The following HHIP variants were observed in gnomAD, a reference collection of about 807,000 sequenced individuals.
The protein encoded by HHIP is hedgehog interacting protein, also known as hedgehog-interacting protein.
HHIP carries 12 observed loss-of-function variants against 74.0 expected under a neutral mutation model. The ratio of observed to expected loss-of-function variants is 0.16; its 90% CI spans 0.10 to 0.26. The LOEUF (loss-of-function observed/expected upper bound fraction) is 0.26, where lower values mean the gene tolerates loss of function less well. Ranked by LOEUF, HHIP falls within the 10% of genes least tolerant of loss-of-function variation. The pLI is 1.00. For synonymous variants in HHIP, 309 were observed against 311.6 expected, an observed-to-expected ratio of 0.99 and a Z score of 0.09; for missense variants, 788 against 845.0, an observed-to-expected ratio of 0.93 and a Z score of 0.84.
At chr4:144,714,955 T>C (rs892751410) in intron 9 of HHIP, 1 of 177,442 alleles carries the variant, frequency 5.6e-6, no homozygotes, top group Non-Finnish European at 1.2e-5. Flanking sequence ...ACTAGAAAAA[T>C]GTACTGACCC....
chr4:144,701,004 C>T (rs538220651), intron 4 of HHIP, among the ~76,000 whole-genome samples: 2 of 152,286 alleles, frequency 1.3e-5, no homozygotes, highest in East Asian at 3.9e-4. Context: ...CCCAAGTCCT[C>T]TTTTTCCTCT....
intron 7 of HHIP, among the ~76,000 whole-genome samples, chr4:144,711,640 T>TAC (rs1330786867): frequency 6.6e-6 from 1 of 152,220 alleles, no homozygotes; most frequent in Non-Finnish European, 1.5e-5. Flanking sequence ...CACAATACTT[T>TAC]ACCAGTGTAT....
chr4:144,654,192 C>T (rs2126580395), intron 2 of HHIP, among the ~76,000 whole-genome samples: 1 of 151,992 alleles, frequency 6.6e-6, no homozygotes, highest in South Asian at 2.1e-4. Flanking sequence ...TTTTAGCTTC[C>T]AAAAACAATA....
chr4:144,685,432 G>A lies in HHIP; in HGVS notation c.832-21099G>A, dbSNP rs147006561. 2.3e-3 allele frequency among the ~76,000 whole-genome samples: 345 copies of A among 152,248 alleles called. 4 individuals are homozygous for A. The highest frequency in any genetic ancestry group is 7.6e-3 in the African/African-American group (316 of 41,548). ...ATACTATGTGTGATATTAAATAGTT[G>A]TACATCATAAAGTAGACATTAAAAT... On this transcript the variant is annotated intron_variant, in intron 4 of 12. Transcript: ENST00000296575.
At chr4:144,688,889 T>C (rs1413088431) in intron 4 of HHIP, among the ~76,000 whole-genome samples, 3 of 152,190 alleles carry the variant, frequency 2.0e-5, no homozygotes, top group Admixed American at 6.5e-5. Flanking sequence ...AAAATGTCAT[T>C]GGAGTGCTTA....
At chr4:144,678,927 C>T (rs187209710) in intron 4 of HHIP, among the ~76,000 whole-genome samples, 4 of 152,210 alleles carry the variant, frequency 2.6e-5, no homozygotes, top group South Asian at 2.1e-4. Context: ...ATGGTATTTC[C>T]GGTTCTAGAT....
intron 11 of HHIP, among the ~76,000 whole-genome samples, chr4:144,728,224 A>C (rs561855954): frequency 3.0e-4 from 46 of 152,180 alleles, no homozygotes; most frequent in Non-Finnish European, 5.4e-4. Flanking sequence ...ACTCAGTTTC[A>C]AACTGCCTAG....
In HHIP at chr4:144,712,272, A is replaced by G. The variant is rs559402268; in HGVS notation, c.1423+201A>G. Among the ~76,000 whole-genome samples the G allele has an allele frequency of 2.6e-5, 4 of 152,252 alleles. No individual in the cohort carries two copies. In the East Asian group the frequency reaches 7.7e-4, roughly 29 times the overall value. ...AAGCCCTGAGGGTTCCATCTGGTTA[A>G]TTACCATGGATTGAAAGGTTCTCAG... On this transcript the variant is annotated intron_variant, in intron 8 of 12. Transcript: ENST00000296575.
chr4:144,721,086 A>C (rs1418951188), intron 11 of HHIP, among the ~76,000 whole-genome samples: 1 of 152,178 alleles, frequency 6.6e-6, no homozygotes, highest in Non-Finnish European at 1.5e-5. Flanking sequence ...TTAAACTTTT[A>C]GGTTAATTGT....
At chr4:144,712,129 T>C in intron 8 of HHIP, 58 bp downstream of exon 8, 9 of 1,463,732 alleles carry the variant, frequency 6.1e-6, no homozygotes, top group South Asian at 1.2e-5. Flanking sequence ...TTAGTATATT[T>C]AGTAATTGAA....
Position 144,658,904 on chromosome 4 carries a change from T to C in HHIP, c.587T>C (p.Leu196Ser). ...KQVRGPASNY[L>S]DQMEEYDKVE... ...GTCAGAGGACCAGCATCTAACTACT[T>C]GGACCAGATGGAAGAATATGACAAA... The change falls in exon 3 of 13, where the codon TTG (leucine) becomes TCG (serine). Residue 196 changes from leucine (L) to serine (S), a missense_variant. Leu to Ser is a moderately radical substitution (Grantham distance 145, BLOSUM62 -2). Coordinates refer to ENST00000296575, the MANE Select transcript of HHIP (RefSeq NM_022475.3). The C allele has an allele frequency of 6.2e-7, 1 of 1,613,590 alleles. No individual in the cohort carries two copies. The highest frequency in any genetic ancestry group is 2.2e-5 in the East Asian group (1 of 44,852).
intron 6 of HHIP, 91 bp downstream of exon 6, chr4:144,707,351 C>G: frequency 9.6e-7 from 1 of 1,038,620 alleles, no homozygotes; most frequent in South Asian, 1.6e-5. Context: ...TAAGAACCAT[C>G]TTTGAATGGT....
At chr4:144,696,515 GT>G (rs1416524648) in intron 4 of HHIP, among the ~76,000 whole-genome samples, 1 of 151,846 alleles carries the variant, frequency 6.6e-6, no homozygotes, top group African/African-American at 2.4e-5. Flanking sequence ...AACTGCCTCA[GT>G]TCATGAACAA....
chr4:144,658,978 T>TA (rs1188310722), intron 3 of HHIP, 32 bp downstream of exon 3: 31 of 1,544,632 alleles, frequency 2.0e-5, no homozygotes, highest in African/African-American at 8.3e-5. Flanking sequence ...TTAATCTTTT[T>TA]AAAAAAACCC....
At chr4:144,665,335 C>T (rs1484323366) in intron 4 of HHIP, among the ~76,000 whole-genome samples, 1 of 152,192 alleles carries the variant, frequency 6.6e-6, no homozygotes, top group Non-Finnish European at 1.5e-5. Context: ...TCCCAAAGTG[C>T]TAGGATTCCA....
intron 11 of HHIP, among the ~76,000 whole-genome samples, chr4:144,721,507 T>A (rs1394393966): frequency 6.7e-6 from 1 of 150,240 alleles, no homozygotes; most frequent in Admixed American, 6.7e-5. Context: ...CAGAAAAGGA[T>A]GGTGAGATAT....
rs1368486045 is a variant in HHIP at position 144,738,141 on chromosome 4, A to T, written c.*184A>T. ...TGTCAGCATGTTTGTTCACATATGC[A>T]CATACACATACTCATAACCCCTATA... is the stretch of plus-strand genomic sequence containing the variant. On this transcript the variant is annotated 3_prime_UTR_variant, in exon 13 of 13. Coordinates refer to ENST00000296575, the MANE Select transcript of HHIP (RefSeq NM_022475.3). 17 of 1,261,054 alleles carry T rather than the reference A, an allele frequency of 1.3e-5. No homozygotes were observed. Among genetic ancestry groups the T allele is most frequent in the Non-Finnish European group, 1.6e-5 (16 of 1,001,948 alleles). The allele number at this position is 1,261,054 out of a possible 1,614,324, so 78.1% of individuals were successfully genotyped here. A position where few individuals can be genotyped will look rare whatever the true frequency, so the allele number is the denominator to read the frequency against.
At position 144,652,726 on chromosome 4, in the gene HHIP, A is replaced by T; in HGVS notation, c.401A>T (p.Asp134Val). 1 of 1,612,978 alleles carries T rather than the reference A, an allele frequency of 6.2e-7. No individual in the cohort carries two copies. The highest frequency in any genetic ancestry group is 8.5e-7 in the Non-Finnish European group (1 of 1,179,166). Reference sequence around the variant, plus strand: ...CCTGAGAGAGAAGTCTTGGAAAGAGACCTAGTACTTCCTCTGCTCTGCAAA... The same window carrying T: ...CCTGAGAGAGAAGTCTTGGAAAGAGTCCTAGTACTTCCTCTGCTCTGCAAA... Reference protein sequence around the residue: ...HSPEREVLERDLVLPLLCKDY... With the variant: ...HSPEREVLERVLVLPLLCKDY... The change falls in exon 2 of 13, where the codon GAC (aspartate) becomes GTC (valine). Residue 134 changes from aspartate to valine, a missense_variant. Asp to Val is a radical substitution (Grantham distance 152). Around this residue, in one of 3 missense-constraint regions of HHIP, gnomAD observed 373 missense variants for 366.4 expected, o/e 1.02. Transcript: ENST00000296575.
At chr4:144,733,672 T>A (rs932173358) in intron 11 of HHIP, among the ~76,000 whole-genome samples, 3 of 152,184 alleles carry the variant, frequency 2.0e-5, no homozygotes, top group Non-Finnish European at 4.4e-5. Context: ...CTAATGCTGT[T>A]GATTTGACTG....
Sources: allele counts gnomAD v4.1 joint callset (sites outside exome capture counted in the v4.1 genomes callset), GRCh38; gene constraint gnomAD v4.1.1; regional missense constraint gnomAD v4.1.1; transcripts MANE v1.5; gene names NCBI Gene and HGNC (gene_info 2026-07-23, HGNC 2026-07-21).